LRMDA: variants seen among roughly 807,000 people sequenced by gnomAD.
LRMDA encodes leucine-rich melanocyte differentiation-associated protein.
Under a neutral mutation model 29.8 loss-of-function variants are expected in LRMDA, and 18 were observed. The ratio of observed to expected loss-of-function variants is 0.60; its 90% CI spans 0.42 to 0.90. LRMDA has a LOEUF of 0.90. Among genes scored for constraint, LRMDA ranks in the 40% least tolerant of loss-of-function variants. The pLI, the probability that LRMDA is intolerant of heterozygous loss-of-function variation, is 0.00. For missense variants in LRMDA, 273 were observed against 273.9 expected (o/e 1.00, Z 0.02); for synonymous variants, 125 against 109.4 (o/e 1.14, Z -0.89).
intron 6 of LRMDA, among the ~76,000 whole-genome samples, chr10:76,494,350 G>C (rs1164462323): frequency 2.1e-5 from 3 of 145,296 alleles, no homozygotes; most frequent in African/African-American, 5.1e-5. Flanking sequence ...TTAAATGACT[G>C]TTAATGTTTT....
At chr10:75,789,710 CATTG>C (rs1843533520) in intron 2 of LRMDA, among the ~76,000 whole-genome samples, 1 of 152,110 alleles carries the variant, frequency 6.6e-6, no homozygotes, top group Admixed American at 6.5e-5. Flanking sequence ...CTATATTGAA[CATTG>C]CACAGATGTG....
intron 6 of LRMDA, among the ~76,000 whole-genome samples, chr10:76,551,394 A>G (rs967928948): frequency 6.6e-6 from 1 of 152,206 alleles, no homozygotes; most frequent in African/African-American, 2.4e-5. Context: ...GATTCTGTGT[A>G]AATTTTATGT....
chr10:76,460,976 C>G (rs1270621280), intron 6 of LRMDA, among the ~76,000 whole-genome samples: 1 of 152,174 alleles, frequency 6.6e-6, no homozygotes, highest in Non-Finnish European at 1.5e-5. Context: ...CACTACTTAA[C>G]ATTTTCAAGT....
At chr10:76,281,356 G>C (rs1840201840) in intron 5 of LRMDA, among the ~76,000 whole-genome samples, 1 of 152,172 alleles carries the variant, frequency 6.6e-6, no homozygotes, top group Non-Finnish European at 1.5e-5. Context: ...GACAGGTTGA[G>C]AATAGGGAAC....
At chr10:75,855,277 G>A (rs1159809431) in intron 2 of LRMDA, among the ~76,000 whole-genome samples, 2 of 152,086 alleles carry the variant, frequency 1.3e-5, no homozygotes, top group Admixed American at 6.5e-5. Flanking sequence ...GTGTGAGATG[G>A]TATCTCATTG....
At chr10:75,983,250 A>G (rs537832507) in intron 2 of LRMDA, among the ~76,000 whole-genome samples, 6 of 152,234 alleles carry the variant, frequency 3.9e-5, no homozygotes, top group Non-Finnish European at 7.3e-5. Context: ...AGCTAAAACC[A>G]TAGCAGGAAC....
At chr10:76,345,212 G>A (rs1360648274) in intron 6 of LRMDA, among the ~76,000 whole-genome samples, 1 of 149,404 alleles carries the variant, frequency 6.7e-6, no homozygotes, top group African/African-American at 2.4e-5. Flanking sequence ...GACTACAGGC[G>A]CCCGCTACCA....
chr10:75,843,982 G>A lies in LRMDA; in HGVS notation c.132-192026G>A, dbSNP rs368888458. ...AATAGAAAGGAAGGCCCTTCTCGCTGGGCTGTGGTAGTGGCAGCAGAAAGG... is the reference window on the plus strand; with the variant it reads ...AATAGAAAGGAAGGCCCTTCTCGCTAGGCTGTGGTAGTGGCAGCAGAAAGG... On this transcript the variant is annotated intron_variant, in intron 2 of 6. Coordinates refer to ENST00000611255, the MANE Select transcript of LRMDA (RefSeq NM_001305581.2). Among the ~76,000 whole-genome samples the A allele has an allele frequency of 9.7e-4, 148 of 152,204 alleles. 3 individuals carry two copies. The South Asian group carries it at 0.028, about 29-fold the overall frequency.
chr10:75,571,302 G>C (rs187069961), intron 2 of LRMDA, among the ~76,000 whole-genome samples: 2 of 152,274 alleles, frequency 1.3e-5, no homozygotes, highest in South Asian at 2.1e-4. Flanking sequence ...TTAACATAAG[G>C]TTCTTTTAAA....
intron 2 of LRMDA, among the ~76,000 whole-genome samples, chr10:75,746,705 C>T (rs1369511374): frequency 6.6e-6 from 1 of 151,856 alleles, no homozygotes; most frequent in African/African-American, 2.4e-5. Context: ...TCTCAGAGTG[C>T]GTGGGTAGAG....
At chr10:76,151,157 A>G (rs374030342) in intron 5 of LRMDA, among the ~76,000 whole-genome samples, 6 of 152,116 alleles carry the variant, frequency 3.9e-5, no homozygotes, top group African/African-American at 9.7e-5. Context: ...TCCTGTGTAC[A>G]TTTCCTGTGA....
chr10:75,762,911 A>G (rs966049043), intron 2 of LRMDA, among the ~76,000 whole-genome samples: 8 of 152,152 alleles, frequency 5.3e-5, no homozygotes, highest in Admixed American at 1.3e-4. Context: ...GTGGGGCACC[A>G]TTTTATAAAC....
chr10:76,431,623 G>A (rs1368260629), intron 6 of LRMDA, among the ~76,000 whole-genome samples: 1 of 152,154 alleles, frequency 6.6e-6, no homozygotes, highest in Non-Finnish European at 1.5e-5. Context: ...AGTGCTGCCT[G>A]TTGTTATTAT....
intron 2 of LRMDA, among the ~76,000 whole-genome samples, chr10:75,459,141 G>C (rs1285322444): frequency 6.6e-6 from 1 of 152,142 alleles, no homozygotes. Context: ...TGCTTTTAGA[G>C]TGTTAACTAG....
intron 5 of LRMDA, among the ~76,000 whole-genome samples, chr10:76,244,898 T>G (rs1347891675): frequency 1.3e-5 from 2 of 152,196 alleles, no homozygotes; most frequent in Non-Finnish European, 2.9e-5. Flanking sequence ...AAAAGAACAC[T>G]GGTCAAGAGC....
chr10:75,569,566 C>T (rs1840412639), intron 2 of LRMDA, among the ~76,000 whole-genome samples: 1 of 152,206 alleles, frequency 6.6e-6, no homozygotes. Flanking sequence ...CATACATTTA[C>T]AGTGATATAA....
At position 75,782,902 on chromosome 10, in the gene LRMDA, C is replaced by A. The variant is rs72811406; in HGVS notation, c.132-253106C>A. 11,325 of 1,607,206 alleles carry A rather than the reference C, an allele frequency of 7.0e-3. 49 individuals carry two copies. The highest frequency in any genetic ancestry group is 8.7e-3 in the Non-Finnish European group (10,277 of 1,176,462). ...TGGAGTACCTGCTGTTGCTCTCATGCCTCTTGCCAACAGTGGCATCTGCTC... is the reference window on the plus strand; with the variant it reads ...TGGAGTACCTGCTGTTGCTCTCATGACTCTTGCCAACAGTGGCATCTGCTC... On this transcript the variant is annotated intron_variant, in intron 2 of 6. Transcript: ENST00000611255.
intron 6 of LRMDA, among the ~76,000 whole-genome samples, chr10:76,469,149 C>T (rs1842593702): frequency 6.6e-6 from 1 of 152,158 alleles, no homozygotes; most frequent in Admixed American, 6.5e-5. Flanking sequence ...TGTTCCTTTC[C>T]TCCTCCCCGC....
chr10:76,523,829 C>G (rs1282952502), intron 6 of LRMDA, among the ~76,000 whole-genome samples: 1 of 152,166 alleles, frequency 6.6e-6, no homozygotes, highest in African/African-American at 2.4e-5. Flanking sequence ...CCAACTTTAA[C>G]TTTTGAAAAG....
Sources: allele counts gnomAD v4.1 joint callset (sites outside exome capture counted in the v4.1 genomes callset), GRCh38; gene constraint gnomAD v4.1.1; transcripts MANE v1.5; gene names NCBI Gene and HGNC (gene_info 2026-07-23, HGNC 2026-07-21).